Variants in DGKG observed in about 807,000 individuals in gnomAD.
The protein encoded by DGKG is DAG kinase gamma.
DGKG carries 78 observed loss-of-function variants against 105.3 expected under a neutral mutation model. The ratio of observed to expected loss-of-function variants is 0.74; its 90% confidence interval spans 0.62 to 0.89. DGKG has a LOEUF of 0.89. Ranked by LOEUF, DGKG falls within the 40% of genes least tolerant of loss-of-function variation. The pLI, the probability that DGKG is intolerant of heterozygous loss-of-function variation, is 0.00. For missense variants in DGKG, 958 were observed against 1,020.1 expected, an observed-to-expected ratio of 0.94 and a Z score of 0.83; for synonymous variants, 346 against 367.1, an observed-to-expected ratio of 0.94 and a Z score of 0.66.
At chr3:186,185,504 T>A (rs991726949) in intron 22 of DGKG, among the ~76,000 whole-genome samples, 1 of 152,152 alleles carries the variant, frequency 6.6e-6, no homozygotes, top group Non-Finnish European at 1.5e-5. Context: ...GCACATGATC[T>A]CATCAAGAGC....
chr3:186,288,288 A>C (rs1276153138), intron 6 of DGKG, among the ~76,000 whole-genome samples: 1 of 152,220 alleles, frequency 6.6e-6, no homozygotes, highest in Non-Finnish European at 1.5e-5. Flanking sequence ...ATATTTCCTC[A>C]TAGTTAAAGA....
intron 14 of DGKG, among the ~76,000 whole-genome samples, chr3:186,264,307 A>C (rs909442988): frequency 6.6e-6 from 1 of 151,636 alleles, no homozygotes; most frequent in African/African-American, 2.4e-5. Context: ...TCTGTTGCCC[A>C]GGCTGGAGTG....
At chr3:186,356,644 A>G (rs1230834737) in intron 1 of DGKG, among the ~76,000 whole-genome samples, 1 of 152,128 alleles carries the variant, frequency 6.6e-6, no homozygotes, top group Non-Finnish European at 1.5e-5. Flanking sequence ...TTTGCACTTT[A>G]TTCTTTAAGA....
intron 20 of DGKG, among the ~76,000 whole-genome samples, chr3:186,236,668 C>T (rs150558906): frequency 7.9e-5 from 12 of 152,354 alleles, no homozygotes; most frequent in African/African-American, 1.9e-4. Context: ...GGGAGCCCCT[C>T]ATCAGTGACT....
intron 20 of DGKG, among the ~76,000 whole-genome samples, chr3:186,213,397 A>T (rs1719131332): frequency 6.6e-6 from 1 of 152,172 alleles, no homozygotes; most frequent in Admixed American, 6.5e-5. Context: ...CCACACATAG[A>T]TTTTCATTTT....
At chr3:186,240,367 C>T (rs1720624965) in intron 20 of DGKG, among the ~76,000 whole-genome samples, 1 of 152,180 alleles carries the variant, frequency 6.6e-6, no homozygotes, top group Non-Finnish European at 1.5e-5. Context: ...GCTGTGAGTC[C>T]CCTACATGCG....
At chr3:186,158,084 G>T in intron 24 of DGKG, 1 of 462,768 alleles carries the variant, frequency 2.2e-6, no homozygotes. Flanking sequence ...CTTTTAATAT[G>T]TTTGATTCCT....
At chr3:186,338,954 A>G (rs1472417915) in intron 1 of DGKG, among the ~76,000 whole-genome samples, 1 of 152,208 alleles carries the variant, frequency 6.6e-6, no homozygotes, top group East Asian at 1.9e-4. Flanking sequence ...CTTTATGAGT[A>G]TTATTTATAT....
intron 24 of DGKG, among the ~76,000 whole-genome samples, chr3:186,154,418 C>T (rs1715924926): frequency 6.6e-6 from 1 of 151,984 alleles, no homozygotes; most frequent in African/African-American, 2.4e-5. Flanking sequence ...CGAGGTGGGG[C>T]AGATCACCTG....
intron 1 of DGKG, among the ~76,000 whole-genome samples, chr3:186,350,919 C>T (rs1726600198): frequency 6.6e-6 from 1 of 151,780 alleles, no homozygotes; most frequent in South Asian, 2.1e-4. Context: ...CTTTCAAGTT[C>T]TTTATCAATT....
intron 19 of DGKG, among the ~76,000 whole-genome samples, chr3:186,248,626 T>C (rs1390183548): frequency 1.3e-5 from 2 of 152,224 alleles, no homozygotes; most frequent in Non-Finnish European, 2.9e-5. Flanking sequence ...GGGTGGAATT[T>C]ACATTTCTGA....
intron 21 of DGKG, among the ~76,000 whole-genome samples, chr3:186,208,351 G>A (rs1171331070): frequency 1.3e-5 from 2 of 151,470 alleles, no homozygotes; most frequent in Middle Eastern, 3.4e-3. Context: ...CACGCGAATG[G>A]CTTTTAATGG....
At chr3:186,195,304 AC>A (rs1472606374) in intron 21 of DGKG, among the ~76,000 whole-genome samples, 1 of 149,260 alleles carries the variant, frequency 6.7e-6, no homozygotes, top group African/African-American at 2.4e-5. Context: ...AAACAAAAAA[AC>A]AAACAAAAAA....
At chr3:186,152,736 T>C (rs969034641) in intron 24 of DGKG, among the ~76,000 whole-genome samples, 1 of 152,174 alleles carries the variant, frequency 6.6e-6, no homozygotes, top group Non-Finnish European at 1.5e-5. Flanking sequence ...CAATCTCGGC[T>C]CACTGCAACC....
At chr3:186,186,096 C>CAAAAAAAA (rs3049465) in intron 22 of DGKG, among the ~76,000 whole-genome samples, 3 of 75,270 alleles carry the variant, frequency 4.0e-5, no homozygotes, top group Non-Finnish European at 7.3e-5. Context: ...GACTCTGCCT[C>CAAAAAAAA]AAAAAAAAAA....
At chr3:186,225,313 T>C (rs1719804955) in intron 20 of DGKG, among the ~76,000 whole-genome samples, 2 of 152,110 alleles carry the variant, frequency 1.3e-5, no homozygotes, top group Admixed American at 1.3e-4. Context: ...TGTCAATGCT[T>C]TAAAATTCTC....
chr3:186,199,446 C>G (rs1035139585), intron 21 of DGKG, among the ~76,000 whole-genome samples: 1 of 152,102 alleles, frequency 6.6e-6, no homozygotes, highest in South Asian at 2.1e-4. Context: ...TATTGAGTAA[C>G]TATTGTGAAC....
At chr3:186,205,140 G>A (rs1212073656) in intron 21 of DGKG, among the ~76,000 whole-genome samples, 4 of 151,508 alleles carry the variant, frequency 2.6e-5, no homozygotes, top group Admixed American at 6.6e-5. Context: ...GCCTGTAATC[G>A]CAGCTACTTG....
At chr3:186,328,909 G>A (rs1343621879) in intron 1 of DGKG, among the ~76,000 whole-genome samples, 1 of 152,060 alleles carries the variant, frequency 6.6e-6, no homozygotes, top group African/African-American at 2.4e-5. Flanking sequence ...TTCAAGAAAA[G>A]TTAGGGGCCT....
Sources: gnomAD v4.1 joint callset for allele counts (sites outside exome capture counted in the v4.1 genomes callset) on GRCh38, gnomAD v4.1.1 for gene constraint, MANE v1.5 for transcripts, NCBI Gene and HGNC (gene_info 2026-07-23, HGNC 2026-07-21) for gene names.